Variants in KSR2 observed in about 807,000 individuals in gnomAD.
KSR2 encodes the protein kinase suppressor of ras 2.
Under a neutral mutation model 107.8 loss-of-function variants are expected in KSR2, and 25 were observed. The ratio of observed to expected loss-of-function variants is 0.23; its 90% CI spans 0.17 to 0.32. The LOEUF (loss-of-function observed/expected upper bound fraction) is 0.32. Ranked by LOEUF, KSR2 falls within the 10% of genes least tolerant of loss-of-function variation. The pLI is 1.00. For synonymous variants in KSR2, 480 were observed against 507.0 expected (o/e 0.95, Z 0.71); for missense variants, 887 against 1,268.9 (o/e 0.70, Z 4.57).
intron 14 of KSR2, among the ~76,000 whole-genome samples, chr12:117,519,768 G>A (rs928119587): frequency 2.6e-5 from 4 of 151,974 alleles, no homozygotes; most frequent in African/African-American, 7.3e-5. Flanking sequence ...GAAGAGGAGC[G>A]AGTGTGTGTG....
chr12:117,507,935 T>C (rs1873798418), intron 14 of KSR2, among the ~76,000 whole-genome samples: 1 of 151,992 alleles, frequency 6.6e-6, no homozygotes, highest in African/African-American at 2.4e-5. Context: ...AAGCCTATCC[T>C]TTTCCCCTCC....
chr12:117,856,632 A>G (rs1198215289), intron 2 of KSR2, among the ~76,000 whole-genome samples: 1 of 151,814 alleles, frequency 6.6e-6, no homozygotes, highest in Non-Finnish European at 1.5e-5. Flanking sequence ...ACTCACCACC[A>G]CGCCTGGCTA....
rs755283642 is a variant in KSR2 at position 117,667,548 on chromosome 12, C to T, written c.1097G>A (p.Arg366His). ...AGGTGCGTGTCCCACAAAGAAGGAGCGGAGGGAGCGCTCGGACAGCAGCGG... is the reference window on the plus strand; with the variant it reads ...AGGTGCGTGTCCCACAAAGAAGGAGTGGAGGGAGCGCTCGGACAGCAGCGG... ...RSPLLSERSL[R>H]SFFVGHAPFL... The change falls in exon 5 of 20, where the codon CGC becomes CAC. Residue 366 changes from arginine (R) to histidine (H), a missense_variant. Arg to His is a conservative substitution (Grantham distance 29). Coordinates refer to ENST00000339824, the MANE Select transcript of KSR2 (RefSeq NM_173598.6). 15 of 1,612,698 alleles carry T rather than the reference C, an allele frequency of 9.3e-6. No homozygotes were observed. The highest frequency in any genetic ancestry group is 5.3e-5 in the African/African-American group (4 of 74,896).
intron 4 of KSR2, among the ~76,000 whole-genome samples, chr12:117,678,024 T>C (rs1037629309): frequency 7.2e-5 from 11 of 151,950 alleles, no homozygotes; most frequent in African/African-American, 2.4e-4. Context: ...AACCTCCGCC[T>C]CATGGGTTCA....
intron 4 of KSR2, among the ~76,000 whole-genome samples, chr12:117,688,039 C>T (rs191150220): frequency 2.0e-5 from 3 of 152,072 alleles, no homozygotes; most frequent in East Asian, 3.9e-4. Context: ...CCAAAGATCT[C>T]GTCTCTAACG....
chr12:117,527,048 C>T (rs992534981), intron 13 of KSR2, 23 bp downstream of exon 13: 5 of 1,611,200 alleles, frequency 3.1e-6, no homozygotes, highest in Non-Finnish European at 4.2e-6. Flanking sequence ...GAAAATGTCG[C>T]TTCACTGCTC....
Position 117,509,132 on chromosome 12 carries a change from A to T in KSR2, c.2219+15720T>A, listed in dbSNP as rs77819062. Among the ~76,000 whole-genome samples, 1,236 of 152,284 alleles carry T rather than the reference A, an allele frequency of 8.1e-3. 16 individuals are homozygous for T. Among genetic ancestry groups the T allele is most frequent in the African/African-American group, 0.028 (1,178 of 41,556 alleles). On this transcript the variant is annotated intron_variant, in intron 14 of 19. Transcript: ENST00000339824. ...GTCAAACAGGTCCAGACAAGGAGGT[A>T]CATGGTCCAGCTAAAGATGAAGCAG...
intron 3 of KSR2, among the ~76,000 whole-genome samples, chr12:117,840,738 T>C (rs927312151): frequency 6.0e-5 from 9 of 151,188 alleles, no homozygotes; most frequent in Middle Eastern, 3.2e-3. Context: ...CATGGTGGCT[T>C]ACGCCTATAA....
intron 1 of KSR2, among the ~76,000 whole-genome samples, chr12:117,964,823 T>A (rs979555269): frequency 6.6e-6 from 1 of 152,232 alleles, no homozygotes; most frequent in Admixed American, 6.5e-5. Context: ...CAAGCTAGAA[T>A]TTACAACTAT....
chr12:117,583,038 T>C (rs1450649093), intron 5 of KSR2, among the ~76,000 whole-genome samples: 1 of 152,342 alleles, frequency 6.6e-6, no homozygotes, highest in Non-Finnish European at 1.5e-5. Context: ...CTGTATATTA[T>C]AGATAATTAT....
At chr12:117,695,728 A>C (rs905425494) in intron 4 of KSR2, among the ~76,000 whole-genome samples, 53 of 151,954 alleles carry the variant, frequency 3.5e-4, no homozygotes, top group Non-Finnish European at 6.5e-4. Flanking sequence ...CAAAAAAAAA[A>C]ACAAGAAAAA....
At chr12:117,665,361 CT>C (rs11303930) in intron 5 of KSR2, among the ~76,000 whole-genome samples, 6,980 of 151,590 alleles carry the variant, frequency 0.046, 535 homozygotes, top group African/African-American at 0.16. Context: ...GTTTTGTTGT[CT>C]TTTTTTTTAA....
At chr12:117,791,763 C>T (rs1395373944) in intron 3 of KSR2, among the ~76,000 whole-genome samples, 2 of 152,136 alleles carry the variant, frequency 1.3e-5, no homozygotes, top group East Asian at 1.9e-4. Context: ...GAGGCATCAG[C>T]GATCAAAAAC....
At chr12:117,607,900 C>T (rs550114898) in intron 5 of KSR2, among the ~76,000 whole-genome samples, 42 of 152,254 alleles carry the variant, frequency 2.8e-4, no homozygotes, top group Non-Finnish European at 5.6e-4. Flanking sequence ...TTGGTTGTCC[C>T]CAGTGCCACT....
chr12:117,663,662 G>A (rs998396233), intron 5 of KSR2, among the ~76,000 whole-genome samples: 10 of 152,266 alleles, frequency 6.6e-5, no homozygotes, highest in Admixed American at 3.9e-4. Flanking sequence ...TTTGTCCAGC[G>A]ACTTAACAGC....
intron 3 of KSR2, among the ~76,000 whole-genome samples, chr12:117,799,510 A>G (rs1890755087): frequency 6.6e-6 from 1 of 151,732 alleles, no homozygotes. Context: ...AAAAAAAAAA[A>G]GAAAAAAAAA....
intron 5 of KSR2, among the ~76,000 whole-genome samples, chr12:117,664,984 A>G (rs1452826398): frequency 2.0e-5 from 3 of 152,086 alleles, no homozygotes; most frequent in Non-Finnish European, 4.4e-5. Flanking sequence ...CCTGCCCCAC[A>G]CCAGGCTGCC....
intron 1 of KSR2, among the ~76,000 whole-genome samples, chr12:117,922,772 C>T (rs1008924838): frequency 3.3e-5 from 5 of 152,174 alleles, no homozygotes; most frequent in African/African-American, 1.2e-4. Flanking sequence ...CAAGATCTTG[C>T]CCCTCATGGA....
intron 5 of KSR2, among the ~76,000 whole-genome samples, chr12:117,646,215 G>A (rs1238761618): frequency 6.6e-6 from 1 of 152,126 alleles, no homozygotes; most frequent in South Asian, 2.1e-4. Context: ...ATCTGAAGTA[G>A]GTTAAATCCA....
Sources: allele counts gnomAD v4.1 joint callset (sites outside exome capture counted in the v4.1 genomes callset), GRCh38; gene constraint gnomAD v4.1.1; transcripts MANE v1.5; gene names NCBI Gene and HGNC (gene_info 2026-07-23, HGNC 2026-07-21).